Variants in ZNF568 observed in about 807,000 individuals in gnomAD.
The protein encoded by ZNF568 is zinc finger protein 568.
In ZNF568, 11 loss-of-function variants were observed where a neutral mutation model predicts 18.1. The ratio of observed to expected loss-of-function variants is 0.61; its 90% CI spans 0.38 to 1.00. The LOEUF is 1.00. ZNF568 is among the 50% of genes least tolerant of loss of function. The probability of loss-of-function intolerance (pLI) is 0.01; values close to 1 mark genes in which losing one functional copy is unlikely to be tolerated. For synonymous variants in ZNF568, 213 were observed against 246.6 expected (o/e 0.86, Z 1.28); for missense variants, 639 against 768.2 (o/e 0.83, Z 1.99).
intron 4 of ZNF568, chr19:36,936,513 T>TA (rs2073792995): frequency 3.2e-6 from 1 of 314,476 alleles, no homozygotes; most frequent in Admixed American, 4.3e-5. Context: ...GTGGGCCTCT[T>TA]ACATTTATTT....
chr19:36,948,954 T>C (rs1568392194), intron 6 of ZNF568, among the ~76,000 whole-genome samples: 5 of 152,182 alleles, frequency 3.3e-5, no homozygotes, highest in Admixed American at 1.3e-4. Context: ...ATTTGCATCT[T>C]CATGATACTT....
exon 8 of ZNF568, chr19:36,979,039 A>C (rs1331198674): frequency 3.1e-6 from 1 of 319,360 alleles, no homozygotes; most frequent in African/African-American, 2.4e-5. Flanking sequence ...GCTGGAGTGC[A>C]ATGGCGCGAT....
At chr19:36,927,856 GT>G (rs2073585501) in intron 4 of ZNF568, among the ~76,000 whole-genome samples, 1 of 31,310 alleles carries the variant, frequency 3.2e-5, no homozygotes, top group Non-Finnish European at 5.6e-5. Context: ...GTGTGTGTGT[GT>G]GTGTATATAT....
At chr19:36,974,052 G>A (rs1035595228) in intron 6 of ZNF568, among the ~76,000 whole-genome samples, 1 of 152,114 alleles carries the variant, frequency 6.6e-6, no homozygotes, top group African/African-American at 2.4e-5. Context: ...TAGCCACCAG[G>A]GATCTAGACC....
chr19:36,931,385 T>A (rs2073683644), intron 4 of ZNF568, among the ~76,000 whole-genome samples: 1 of 152,112 alleles, frequency 6.6e-6, no homozygotes, highest in African/African-American at 2.4e-5. Flanking sequence ...ATGGAATTAT[T>A]TTTTGTTGAG....
At chr19:36,957,798 A>G (rs1401919441) in intron 6 of ZNF568, among the ~76,000 whole-genome samples, 1 of 152,240 alleles carries the variant, frequency 6.6e-6, no homozygotes, top group East Asian at 1.9e-4. Context: ...CTGGGAAACA[A>G]TGGTATATAA....
intron 6 of ZNF568, among the ~76,000 whole-genome samples, chr19:36,942,636 A>G (rs2073902869): frequency 1.3e-5 from 2 of 150,510 alleles, no homozygotes; most frequent in Non-Finnish European, 3.0e-5. Flanking sequence ...GAGAGATAAT[A>G]TAAGGAATCC....
chr19:36,950,335 A>G lies in ZNF568; in HGVS notation c.1182A>G (p.Lys394=). The change falls in exon 7 of 7, where the codon AAA becomes AAG. Residue 394 remains lysine (K), a synonymous_variant. Transcript: ENST00000333987. ...GGGAGAAACCCTATAAATGTAATAA[A>G]TGTGGAAAAGCTTTCTCTCAATGCT... The part of the protein sequence containing the change: ...HTGEKPYKCN[K]CGKAFSQCSV... 6.2e-7 allele frequency: 1 copy of G among 1,613,920 alleles called. No homozygotes were observed. Among genetic ancestry groups the G allele is most frequent in the Non-Finnish European group, 8.5e-7 (1 of 1,179,852 alleles).
exon 4 of ZNF568, chr19:36,991,789 G>C (rs998584270): frequency 6.3e-7 from 1 of 1,581,404 alleles, no homozygotes; most frequent in Non-Finnish European, 8.5e-7. Flanking sequence ...CTCCTTATTG[G>C]AGCAGAAGAA....
chr19:36,918,150 G>A (rs1402310173), intron 2 of ZNF568, among the ~76,000 whole-genome samples: 2 of 152,090 alleles, frequency 1.3e-5, no homozygotes, highest in Non-Finnish European at 2.9e-5. Flanking sequence ...GTTTCACCAT[G>A]TTAGCCACCA....
chr19:36,946,051 C>T (rs1039418908), intron 6 of ZNF568, among the ~76,000 whole-genome samples: 17 of 151,782 alleles, frequency 1.1e-4, no homozygotes, highest in Non-Finnish European at 2.1e-4. Flanking sequence ...GCCGAGATTG[C>T]GCCACTGCAC....
chr19:36,945,831 T>C (rs2146304029), intron 6 of ZNF568, among the ~76,000 whole-genome samples: 1 of 151,886 alleles, frequency 6.6e-6, no homozygotes, highest in East Asian at 1.9e-4. Context: ...TGGTGTCTCA[T>C]ACCTGTAATC....
intron 4 of ZNF568, among the ~76,000 whole-genome samples, chr19:36,930,300 C>T (rs540455174): frequency 3.0e-4 from 45 of 151,864 alleles, no homozygotes; most frequent in African/African-American, 1.0e-3. Context: ...AGCTCCGCCT[C>T]CCAGGTTCAC....
chr19:36,945,537 T>TA (rs1301691393), intron 6 of ZNF568, among the ~76,000 whole-genome samples: 1 of 152,102 alleles, frequency 6.6e-6, no homozygotes, highest in Non-Finnish European at 1.5e-5. Context: ...ATATACAAAA[T>TA]ATGTGTTAAT....
At chr19:36,956,603 T>A (rs1002114792), downstream of ZNF568, among the ~76,000 whole-genome samples, 2 of 149,292 alleles carry the variant, frequency 1.3e-5, no homozygotes, top group East Asian at 2.0e-4. Flanking sequence ...AAAAAAAACT[T>A]TTTTTTTTTT....
Position 36,950,947 on chromosome 19 carries a change from C to T in ZNF568, c.1794C>T (p.Cys598=), listed in dbSNP as rs376462061. 5 of 1,613,434 alleles carry T rather than the reference C, an allele frequency of 3.1e-6. No homozygotes were observed. In the African/African-American group the frequency reaches 6.7e-5, roughly 22 times the overall value. The change falls in exon 7 of 7, where the codon TGC becomes TGT. Residue 598 remains cysteine, a synonymous_variant. Coordinates refer to ENST00000333987, the MANE Select transcript of ZNF568 (RefSeq NM_198539.4). ...CNKCGKAFSQ[C]SLLIIHMRSH... is the part of the protein sequence containing the mutation. ...AATGTGGGAAAGCCTTTTCTCAGTGCTCATTACTTATTATACATATGAGAA... is the reference window on the plus strand; with the variant it reads ...AATGTGGGAAAGCCTTTTCTCAGTGTTCATTACTTATTATACATATGAGAA...
downstream of ZNF568, among the ~76,000 whole-genome samples, chr19:36,955,139 T>C (rs1464685789): frequency 1.3e-5 from 2 of 152,116 alleles, no homozygotes; most frequent in African/African-American, 4.8e-5. Context: ...TTTTAAAAAA[T>C]GGTTTTCGCA....
chr19:36,960,284 A>G (rs539730364), intron 6 of ZNF568, among the ~76,000 whole-genome samples: 1 of 151,050 alleles, frequency 6.6e-6, no homozygotes, highest in African/African-American at 2.4e-5. Context: ...TGCCCAGCTA[A>G]TGTTTGTATT....
intron 4 of ZNF568, among the ~76,000 whole-genome samples, chr19:36,994,947 G>A (rs1050186224): frequency 5.3e-5 from 8 of 151,984 alleles, no homozygotes; most frequent in Admixed American, 2.6e-4. Context: ...ACCGCGCCCG[G>A]CCAAAATATC....
Sources: gnomAD v4.1 joint callset for allele counts (sites outside exome capture counted in the v4.1 genomes callset) on GRCh38, gnomAD v4.1.1 for gene constraint, MANE v1.5 for transcripts, NCBI Gene and HGNC (gene_info 2026-07-23, HGNC 2026-07-21) for gene names.